Variants in RABGAP1 observed in about 807,000 individuals in gnomAD.
RABGAP1 encodes rab GTPase-activating protein 1.
RABGAP1 carries 23 observed loss-of-function variants against 137.6 expected under a neutral mutation model. The observed-to-expected ratio is 0.17, with a 90% CI of 0.12 to 0.24. The LOEUF (loss-of-function observed/expected upper bound fraction) is 0.24, where lower values mean the gene tolerates loss of function less well. Ranked by LOEUF, RABGAP1 falls within the 10% of genes least tolerant of loss-of-function variation. The probability of loss-of-function intolerance (pLI) is 1.00; values close to 1 mark genes in which losing one functional copy is unlikely to be tolerated. For synonymous variants in RABGAP1, 451 were observed against 450.7 expected (o/e 1.00, Z -0.01); for missense variants, 906 against 1,275.8 (o/e 0.71, Z 4.42).
At chr9:123,066,526 A>G (rs1278259544) in intron 14 of RABGAP1, among the ~76,000 whole-genome samples, 1 of 152,128 alleles carries the variant, frequency 6.6e-6, no homozygotes, top group Non-Finnish European at 1.5e-5. Flanking sequence ...AGCATAAGAC[A>G]TGTCACTCTC....
chr9:123,011,123 C>T (rs767360876), intron 11 of RABGAP1, among the ~76,000 whole-genome samples: 7 of 151,688 alleles, frequency 4.6e-5, no homozygotes, highest in African/African-American at 9.7e-5. Context: ...GAATGAGAGT[C>T]GTTTTCTAAT....
chr9:123,090,449 A>C, intron 21 of RABGAP1, 64 bp downstream of exon 21: 3 of 1,320,308 alleles, frequency 2.3e-6, no homozygotes, highest in Non-Finnish European at 3.1e-6. Flanking sequence ...CCTCAAGAGA[A>C]ATCCTGGAAT....
upstream of RABGAP1, chr9:122,937,971 C>T (rs1180897382): frequency 6.6e-6 from 1 of 152,124 alleles, no homozygotes; most frequent in Non-Finnish European, 1.5e-5. Flanking sequence ...GCCTGGGTGA[C>T]AGAGCGAGAC....
intron 20 of RABGAP1, 50 bp downstream of exon 20, chr9:123,089,900 A>T (rs376210786): frequency 8.8e-6 from 13 of 1,480,836 alleles, no homozygotes; most frequent in East Asian, 2.3e-5. Flanking sequence ...CTTTCATTTC[A>T]TATGATTGCG....
At chr9:123,037,785 T>C (rs1014655893) in intron 13 of RABGAP1, among the ~76,000 whole-genome samples, 1 of 152,146 alleles carries the variant, frequency 6.6e-6, no homozygotes, top group African/African-American at 2.4e-5. Flanking sequence ...TCCCCTTTAG[T>C]GGCTGGGGGT....
At chr9:123,091,529 T>G (rs896121605) in intron 21 of RABGAP1, among the ~76,000 whole-genome samples, 1 of 152,176 alleles carries the variant, frequency 6.6e-6, no homozygotes, top group Non-Finnish European at 1.5e-5. Context: ...CTACTCTGCT[T>G]TCAGCTCACC....
chr9:122,961,801 G>T (rs945255416), intron 2 of RABGAP1, among the ~76,000 whole-genome samples: 1 of 152,068 alleles, frequency 6.6e-6, no homozygotes, highest in Admixed American at 6.5e-5. Flanking sequence ...ATAGTATATT[G>T]TTGGGCCTAT....
At chr9:123,005,482 T>C (rs2030161428) in intron 10 of RABGAP1, among the ~76,000 whole-genome samples, 1 of 152,234 alleles carries the variant, frequency 6.6e-6, no homozygotes, top group Non-Finnish European at 1.5e-5. Context: ...TATTTTTAAC[T>C]TCCTTCTGAA....
chr9:123,101,817 A>G (rs2035354538), intron 25 of RABGAP1, 54 bp downstream of exon 25: 5 of 1,483,444 alleles, frequency 3.4e-6, no homozygotes, highest in Admixed American at 4.8e-5. Flanking sequence ...CCTGATGTGC[A>G]CTAGAGACCC....
chr9:122,997,365 A>G lies in RABGAP1; in HGVS notation c.1204+4A>G, dbSNP rs1289235995. The G allele has an allele frequency of 1.3e-6, 2 of 1,581,912 alleles. No homozygotes were observed. The highest frequency in any genetic ancestry group is 1.7e-6 in the Non-Finnish European group (2 of 1,160,340). On this transcript the variant is annotated splice_donor_region_variant and intron_variant, in intron 9 of 25. Coordinates refer to ENST00000373647, the MANE Select transcript of RABGAP1 (RefSeq NM_012197.4). Reference sequence around the variant, plus strand: ...GTAAATGAAGAAACTCCTAAAGGTGATACAGATTGTTGACATCATGAACAG... The same window carrying G: ...GTAAATGAAGAAACTCCTAAAGGTGGTACAGATTGTTGACATCATGAACAG...
intron 17 of RABGAP1, 38 bp from the exon 18 acceptor site, chr9:123,076,207 A>T: frequency 6.3e-7 from 1 of 1,593,850 alleles, no homozygotes; most frequent in Non-Finnish European, 8.6e-7. Flanking sequence ...GTCGAGATAT[A>T]AAAACTGACA....
At chr9:122,978,284 G>A (rs1385776423) in intron 2 of RABGAP1, among the ~76,000 whole-genome samples, 4 of 152,086 alleles carry the variant, frequency 2.6e-5, no homozygotes, top group African/African-American at 9.7e-5. Context: ...TAGTCTTTTT[G>A]TGTATGGCTT....
intron 13 of RABGAP1, among the ~76,000 whole-genome samples, chr9:123,053,891 A>G (rs567236249): frequency 3.9e-5 from 6 of 152,314 alleles, no homozygotes; most frequent in Admixed American, 3.9e-4. Context: ...TTGAGTTTAC[A>G]AAAGGATGTG....
chr9:123,012,423 A>C (rs960209224), intron 11 of RABGAP1, among the ~76,000 whole-genome samples: 6 of 152,270 alleles, frequency 3.9e-5, no homozygotes, highest in Non-Finnish European at 8.8e-5. Context: ...ATGAAACCAG[A>C]GAATGCTCAA....
At chr9:123,013,156 T>C (rs2030952302) in intron 11 of RABGAP1, among the ~76,000 whole-genome samples, 1 of 152,188 alleles carries the variant, frequency 6.6e-6, no homozygotes, top group African/African-American at 2.4e-5. Flanking sequence ...TCTAATATTT[T>C]TGAAGAAATT....
intron 21 of RABGAP1, among the ~76,000 whole-genome samples, chr9:123,096,671 C>A (rs1334687585): frequency 6.6e-6 from 1 of 152,194 alleles, no homozygotes; most frequent in African/African-American, 2.4e-5. Context: ...TGGGTTCAAG[C>A]TATTTTGCTG....
At chr9:123,069,959 A>G (rs1432571489) in intron 14 of RABGAP1, among the ~76,000 whole-genome samples, 2 of 152,236 alleles carry the variant, frequency 1.3e-5, no homozygotes, top group African/African-American at 4.8e-5. Context: ...ATAGAGGCAG[A>G]GAAGAGAGGA....
At chr9:122,951,945 A>C (rs1834271516) in intron 1 of RABGAP1, among the ~76,000 whole-genome samples, 1 of 152,230 alleles carries the variant, frequency 6.6e-6, no homozygotes, top group African/African-American at 2.4e-5. Context: ...TAGAATTGGC[A>C]CTTACGGCAC....
intron 19 of RABGAP1, among the ~76,000 whole-genome samples, chr9:123,083,277 C>T (rs1342837792): frequency 6.6e-6 from 1 of 152,224 alleles, no homozygotes; most frequent in Non-Finnish European, 1.5e-5. Context: ...GTAATGTAAT[C>T]TCAATCTCTG....
Sources: gnomAD v4.1 joint callset for allele counts (sites outside exome capture counted in the v4.1 genomes callset) on GRCh38, gnomAD v4.1.1 for gene constraint, MANE v1.5 for transcripts, NCBI Gene and HGNC (gene_info 2026-07-23, HGNC 2026-07-21) for gene names.